Variants in ZNF423 observed in about 807,000 individuals in gnomAD.
ZNF423 encodes zinc finger protein 423, also known as Ebf-associated zinc finger protein.
ZNF423 carries 12 observed loss-of-function variants against 95.8 expected under a neutral mutation model. The observed-to-expected ratio is 0.13, with a 90% CI of 0.08 to 0.20. ZNF423 has a LOEUF of 0.20. ZNF423 is among the 10% of genes least tolerant of loss of function. ZNF423 has a pLI of 1.00. For missense variants in ZNF423, 1,316 were observed against 1,737.1 expected (o/e 0.76, Z 4.31); for synonymous variants, 749 against 711.9 (o/e 1.05, Z -0.83).
At chr16:49,792,688 G>A (rs2034435282) in intron 1 of ZNF423, among the ~76,000 whole-genome samples, 1 of 152,174 alleles carries the variant, frequency 6.6e-6, no homozygotes, top group Admixed American at 6.5e-5. Context: ...TTTTTTGAAG[G>A]TAGAAGCACA....
chr16:49,737,835 C>T (rs769569634), intron 2 of ZNF423, among the ~76,000 whole-genome samples: 7 of 152,220 alleles, frequency 4.6e-5, no homozygotes, highest in South Asian at 2.1e-4. Flanking sequence ...GGCCAGCACA[C>T]GAATCAGAAG....
At chr16:49,561,103 C>T (rs977549762) in intron 5 of ZNF423, among the ~76,000 whole-genome samples, 4 of 152,084 alleles carry the variant, frequency 2.6e-5, no homozygotes, top group Non-Finnish European at 4.4e-5. Context: ...TCTATATGCA[C>T]GTACATGTGC....
Position 49,490,981 on chromosome 16 carries a change from CA to C in ZNF423, c.*293del. 1 of 431,572 alleles carries C rather than the reference CA, an allele frequency of 2.3e-6. No homozygotes were observed. Among genetic ancestry groups the C allele is most frequent in the Non-Finnish European group, 4.2e-6 (1 of 237,984 alleles). The allele number at this position is 431,572 out of a possible 1,614,324, so 26.7% of individuals were successfully genotyped here. ...ATATAATACATGAAGGAACAAAGGA[CA>C]ATAGCCTTAAAAAGCAGGTTTCTCT... is the stretch of plus-strand genomic sequence containing the variant. On this transcript the variant is annotated 3_prime_UTR_variant, in exon 8 of 8. Coordinates refer to ENST00000563137, the MANE Select transcript of ZNF423 (RefSeq NM_001379286.1).
chr16:49,564,795 C>A (rs1409406499), intron 5 of ZNF423, among the ~76,000 whole-genome samples: 1 of 149,732 alleles, frequency 6.7e-6, no homozygotes, highest in Admixed American at 6.7e-5. Context: ...CTGTGCCCAG[C>A]CCTTGGTCCC....
At position 49,489,355 on chromosome 16, in the gene ZNF423, CG is replaced by C. The variant is rs1246137538; in HGVS notation, c.*1919del. On this transcript the variant is annotated 3_prime_UTR_variant, in exon 8 of 8. Coordinates refer to ENST00000563137, the MANE Select transcript of ZNF423 (RefSeq NM_001379286.1). ...GCCCCAGGCCCCAAGCCCCAGTCCA[CG>C]GGTGGGCACACTTAGAGGAACACTG... 6.6e-6 allele frequency: 1 copy of C among 152,284 alleles called. No individual in the cohort carries two copies. The highest frequency in any genetic ancestry group is 2.4e-5 in the African/African-American group (1 of 41,540). 9.4% of individuals were successfully genotyped at this position (152,284 alleles called of 1,614,324 possible).
chr16:49,806,895 C>T (rs1466643505), intron 1 of ZNF423, among the ~76,000 whole-genome samples: 1 of 151,870 alleles, frequency 6.6e-6, no homozygotes, highest in Non-Finnish European at 1.5e-5. Flanking sequence ...GGTATGGTAG[C>T]GCACGTCTGT....
intron 5 of ZNF423, among the ~76,000 whole-genome samples, chr16:49,560,792 C>T (rs550358217): frequency 1.3e-5 from 2 of 152,328 alleles, no homozygotes; most frequent in South Asian, 2.1e-4. Context: ...CGGCCGAGTA[C>T]GCTGAAGACA....
chr16:49,653,733 C>A (rs559029746), intron 3 of ZNF423, among the ~76,000 whole-genome samples: 1 of 152,294 alleles, frequency 6.6e-6, no homozygotes, highest in South Asian at 2.1e-4. Context: ...CTGTGGCATG[C>A]CAAACCTACT....
intron 5 of ZNF423, among the ~76,000 whole-genome samples, chr16:49,543,679 C>A (rs974069680): frequency 6.6e-6 from 1 of 152,216 alleles, no homozygotes; most frequent in Non-Finnish European, 1.5e-5. Context: ...TCAGCTTCCC[C>A]GCCAAGGACA....
At chr16:49,828,021 G>A (rs2035024488) in intron 1 of ZNF423, among the ~76,000 whole-genome samples, 1 of 152,198 alleles carries the variant, frequency 6.6e-6, no homozygotes, top group Non-Finnish European at 1.5e-5. Flanking sequence ...AAGTACAAGT[G>A]CAAGCCATTT....
chr16:49,656,689 C>T (rs1175414661), intron 3 of ZNF423, among the ~76,000 whole-genome samples: 1 of 152,160 alleles, frequency 6.6e-6, no homozygotes, highest in African/African-American at 2.4e-5. Flanking sequence ...CTATATCATA[C>T]ATTGCATATG....
intron 3 of ZNF423, among the ~76,000 whole-genome samples, chr16:49,679,262 G>C (rs1401896382): frequency 6.6e-6 from 1 of 152,242 alleles, no homozygotes; most frequent in Non-Finnish European, 1.5e-5. Context: ...GCATGGCCAG[G>C]GCTGCGCCCT....
At chr16:49,513,753 T>C (rs564208065) in intron 7 of ZNF423, among the ~76,000 whole-genome samples, 1 of 152,058 alleles carries the variant, frequency 6.6e-6, no homozygotes, top group South Asian at 2.1e-4. Flanking sequence ...CGTAGTGACT[T>C]ACAATCCATA....
Position 49,839,574 on chromosome 16 carries a change from G to A in ZNF423, c.40+16161C>T, listed in dbSNP as rs554262805. On this transcript the variant is annotated intron_variant, in intron 1 of 7. Coordinates refer to ENST00000563137, the MANE Select transcript of ZNF423 (RefSeq NM_001379286.1). The stretch of plus-strand genomic sequence containing the variant: ...AGGCCTGCATGTCTGCAGCGGAGGA[G>A]CGGGACATGACACTGAGGTCCCCAG... 3.2e-4 allele frequency among the ~76,000 whole-genome samples: 49 copies of A among 152,342 alleles called. No homozygotes were observed. The South Asian group carries it at 6.6e-3, about 21-fold the overall frequency.
chr16:49,514,202 A>ACACG (rs1567435442), intron 7 of ZNF423, among the ~76,000 whole-genome samples: 1 of 147,320 alleles, frequency 6.8e-6, no homozygotes, highest in East Asian at 2.0e-4. Flanking sequence ...ACACACACAC[A>ACACG]CACACACACA....
At chr16:49,843,746 C>T (rs1181667432) in intron 1 of ZNF423, among the ~76,000 whole-genome samples, 2 of 152,010 alleles carry the variant, frequency 1.3e-5, no homozygotes, top group African/African-American at 4.8e-5. Context: ...GAGTGATTGG[C>T]AGGTTCCCTA....
rs1966918165 is a variant in ZNF423, at chr16:49,490,587, A to G, written c.*688T>C. The G allele has an allele frequency of 1.3e-5, 2 of 152,656 alleles. No homozygotes were observed. The highest frequency in any genetic ancestry group is 4.8e-5 in the African/African-American group (2 of 41,452). The allele number at this position is 152,656 out of a possible 1,614,324, so 9.5% of individuals were successfully genotyped here. On this transcript the variant is annotated 3_prime_UTR_variant, in exon 8 of 8. Coordinates refer to ENST00000563137, the MANE Select transcript of ZNF423 (RefSeq NM_001379286.1). Reference sequence around the variant, plus strand: ...CACGCGGCCCTAGGCTGGGGAGGAGAGAACCAGGCAGCCGGATGCTAATCG... The same window carrying G: ...CACGCGGCCCTAGGCTGGGGAGGAGGGAACCAGGCAGCCGGATGCTAATCG...
At chr16:49,702,848 C>T (rs1459539926) in intron 3 of ZNF423, among the ~76,000 whole-genome samples, 7 of 152,072 alleles carry the variant, frequency 4.6e-5, no homozygotes, top group Middle Eastern at 3.2e-3. Context: ...AGGAGTTTCT[C>T]GGCCACAGAC....
intron 1 of ZNF423, among the ~76,000 whole-genome samples, chr16:49,811,926 T>C (rs2034760072): frequency 6.6e-6 from 1 of 152,186 alleles, no homozygotes; most frequent in Non-Finnish European, 1.5e-5. Context: ...AGCCATTTGC[T>C]CATCTGGGAT....
Sources: allele counts gnomAD v4.1 joint callset (sites outside exome capture counted in the v4.1 genomes callset), GRCh38; gene constraint gnomAD v4.1.1; transcripts MANE v1.5; gene names NCBI Gene and HGNC (gene_info 2026-07-23, HGNC 2026-07-21).